CHD2: variants seen among roughly 807,000 people sequenced by gnomAD.
CHD2 encodes ATP-dependent chromatin remodeler CHD2.
A neutral mutation model predicts 243.9 loss-of-function variants in CHD2; 28 were observed. The ratio of observed to expected loss-of-function variants is 0.11; its 90% CI spans 0.09 to 0.16. CHD2 has a LOEUF of 0.16. CHD2 is among the 10% of genes least tolerant of loss of function. The pLI is 1.00. For missense variants in CHD2, 1,386 were observed against 2,209.8 expected (o/e 0.63, Z 7.47); for synonymous variants, 775 against 779.0 (o/e 0.99, Z 0.09).
chr15:92,932,690 T>A (rs2053193849), intron 5 of CHD2, among the ~76,000 whole-genome samples: 1 of 152,156 alleles, frequency 6.6e-6, no homozygotes, highest in African/African-American at 2.4e-5. Context: ...TTTTGAAGAA[T>A]GCAGTCTTGC....
intron 2 of CHD2, among the ~76,000 whole-genome samples, chr15:92,910,674 G>C (rs1486328855): frequency 6.6e-6 from 1 of 152,188 alleles, no homozygotes; most frequent in African/African-American, 2.4e-5. Flanking sequence ...GGGATTACAG[G>C]GGTGAGCCAC....
chr15:93,003,244 C>G (rs12906132), intron 33 of CHD2, among the ~76,000 whole-genome samples: 30,497 of 149,022 alleles, frequency 0.2, 3,829 homozygotes, highest in Middle Eastern at 0.31. Flanking sequence ...ATGGTTGTGT[C>G]ACACTTCACT....
At position 93,020,050 on chromosome 15, in the gene CHD2, G is replaced by A. The variant is rs781717447; in HGVS notation, c.4945G>A (p.Gly1649Ser). 2 of 1,613,992 alleles carry A rather than the reference G, an allele frequency of 1.2e-6. No homozygotes were observed. The highest frequency in any genetic ancestry group is 1.7e-5 in the Admixed American group (1 of 60,024). ...DWQRERKFNY[G>S]GGNNNPPWGS... ...GCAGAGGGAAAGAAAGTTCAACTATGGTGGTGGCAACAACAATCCACCATG... is the reference window on the plus strand; with the variant it reads ...GCAGAGGGAAAGAAAGTTCAACTATAGTGGTGGCAACAACAATCCACCATG... Residue 1649 changes from glycine to serine, a missense_variant, in exon 38 of 39, where the codon GGT becomes AGT. By Grantham distance (56) the Gly-to-Ser change is moderately conservative. Transcript: ENST00000394196.
chr15:92,972,289 T>C lies in CHD2; in HGVS notation c.2377T>C (p.Leu793=). 2 of 1,611,408 alleles carry C rather than the reference T, an allele frequency of 1.2e-6. No homozygotes were observed. Residue 793 remains leucine (L), a synonymous_variant, in exon 19 of 39, where the codon TTG becomes CTG. Coordinates refer to ENST00000394196, the MANE Select transcript of CHD2 (RefSeq NM_001271.4). ...LLSLIRSSGK[L]ILLDKLLTRL... ...GTCCCTCATAAGGAGCAGTGGGAAG[T>C]TGATTTTATTAGACAAACTGTTGAC... is the stretch of plus-strand genomic sequence containing the variant.
intron 5 of CHD2, among the ~76,000 whole-genome samples, chr15:92,935,460 A>G (rs963161294): frequency 1.4e-4 from 22 of 152,226 alleles, no homozygotes; most frequent in Admixed American, 3.9e-4. Flanking sequence ...TGTCTGCTAT[A>G]CTTATAGAAG....
chr15:92,985,955 TGACATACATG>T (rs1244440001), intron 26 of CHD2, among the ~76,000 whole-genome samples: 1 of 152,162 alleles, frequency 6.6e-6, no homozygotes, highest in Non-Finnish European at 1.5e-5. Flanking sequence ...AGGAGATAAT[TGACATACATG>T]TATATACAGA....
At chr15:92,929,210 C>T (rs2053119771) in intron 5 of CHD2, 119 bp downstream of exon 5, 1 of 876,372 alleles carries the variant, frequency 1.1e-6, no homozygotes, top group Non-Finnish European at 1.8e-6. Flanking sequence ...TTCTGTCTCT[C>T]TTACTAGCTC....
chr15:93,020,156 A>T lies in CHD2; in HGVS notation c.5051A>T (p.His1684Leu), dbSNP rs770784804. Residue 1684 changes from histidine (H) to leucine (L), a missense_variant, in exon 38 of 39, where the codon CAC becomes CTC. This residue lies in a region of CHD2 where 347 missense variants were observed against 341.6 expected (regional missense o/e 1.02). Transcript: ENST00000394196. ...GGGGACCGGCGACATATGGATGCCCACCGTTCCGGAAGCTATCGACCCAAC... is the reference window on the plus strand; with the variant it reads ...GGGGACCGGCGACATATGGATGCCCTCCGTTCCGGAAGCTATCGACCCAAC... ...HYGDRRHMDA[H>L]RSGSYRPNNM... 1 of 1,613,948 alleles carries T rather than the reference A, an allele frequency of 6.2e-7. No individual in the cohort carries two copies. Among genetic ancestry groups the T allele is most frequent in the African/African-American group, 1.3e-5 (1 of 74,874 alleles).
At chr15:92,974,505 A>ATTATTGGGTGACCCGTGG (rs1596422694) in intron 19 of CHD2, among the ~76,000 whole-genome samples, 1 of 152,184 alleles carries the variant, frequency 6.6e-6, no homozygotes, top group East Asian at 1.9e-4. Context: ...GCAGGAGCTT[A>ATTATTGGGTGACCCGTGG]TTATTGGGTG....
At position 92,956,310 on chromosome 15, in the gene CHD2, A is replaced by G; in HGVS notation, c.1810-149A>G. The G allele has an allele frequency of 5.1e-6, 3 of 593,816 alleles. No individual in the cohort carries two copies. The South Asian group carries it at 7.1e-5, about 14-fold the overall frequency. 36.8% of individuals were successfully genotyped at this position (593,816 alleles called of 1,614,324 possible). ...CAATCTGGCAACTAACAGAATAAACAGAAGAGGCCTAATATATATTGTCAG... is the reference window on the plus strand; with the variant it reads ...CAATCTGGCAACTAACAGAATAAACGGAAGAGGCCTAATATATATTGTCAG... On this transcript the variant is annotated intron_variant, in intron 15 of 38. Transcript: ENST00000394196.
chr15:92,948,254 T>G (rs2141800698), intron 12 of CHD2, among the ~76,000 whole-genome samples: 1 of 152,234 alleles, frequency 6.6e-6, no homozygotes. Flanking sequence ...ACAAATCCTG[T>G]TATGGTGAAG....
At chr15:92,950,714 T>C (rs889899298) in intron 13 of CHD2, among the ~76,000 whole-genome samples, 4 of 150,490 alleles carry the variant, frequency 2.7e-5, no homozygotes, top group Non-Finnish European at 5.9e-5. Flanking sequence ...TTTCGCACCA[T>C]TGCACTCCAG....
At chr15:92,988,342 C>T (rs1186890256) in intron 26 of CHD2, among the ~76,000 whole-genome samples, 1 of 152,156 alleles carries the variant, frequency 6.6e-6, no homozygotes, top group Non-Finnish European at 1.5e-5. Flanking sequence ...GCCTCGGCCT[C>T]CCAAAGGGCT....
At chr15:93,021,336 C>G (rs2054533005) in intron 38 of CHD2, 1 of 151,956 alleles carries the variant, frequency 6.6e-6, no homozygotes, top group Non-Finnish European at 1.5e-5. Flanking sequence ...TATGATGTGC[C>G]TTGGTGTATT....
At chr15:93,010,920 T>C (rs2054385036) in intron 35 of CHD2, among the ~76,000 whole-genome samples, 1 of 152,220 alleles carries the variant, frequency 6.6e-6, no homozygotes, top group African/African-American at 2.4e-5. Context: ...GAGGACTGGT[T>C]TTTGAGTGAA....
At chr15:92,943,335 G>T (rs1430696157) in intron 9 of CHD2, 5 of 416,626 alleles carry the variant, frequency 1.2e-5, no homozygotes, top group Non-Finnish European at 2.2e-5. Context: ...CATGAGATTT[G>T]TACTGTTATT....
intron 38 of CHD2, among the ~76,000 whole-genome samples, chr15:93,022,801 A>G (rs2054548667): frequency 6.6e-6 from 1 of 152,176 alleles, no homozygotes; most frequent in African/African-American, 2.4e-5. Context: ...CTGAGGGACT[A>G]TCTCATGATA....
chr15:92,986,700 A>G (rs185851615), intron 26 of CHD2, among the ~76,000 whole-genome samples: 1 of 152,074 alleles, frequency 6.6e-6, no homozygotes, highest in Admixed American at 6.5e-5. Context: ...CAGGTCTTTA[A>G]TTTCTTCATT....
chr15:92,902,389 A>G (rs970701277), intron 2 of CHD2: 4 of 383,766 alleles, frequency 1.0e-5, no homozygotes, highest in Admixed American at 8.9e-5. Context: ...TAAATTTTAA[A>G]TCATGCAGTT....
Sources: allele counts gnomAD v4.1 joint callset (sites outside exome capture counted in the v4.1 genomes callset), GRCh38; gene constraint gnomAD v4.1.1; regional missense constraint gnomAD v4.1.1; transcripts MANE v1.5; gene names NCBI Gene and HGNC (gene_info 2026-07-23, HGNC 2026-07-21).